Variants in PCDHGA5 observed in about 807,000 individuals in gnomAD.
The protein encoded by PCDHGA5 is protocadherin gamma-A5.
In PCDHGA5, 36 loss-of-function variants were observed where a neutral mutation model predicts 56.7. That is an observed-to-expected ratio of 0.64 (90% CI 0.49 to 0.84). The LOEUF (loss-of-function observed/expected upper bound fraction) is 0.84. Among genes scored for constraint, PCDHGA5 ranks in the 40% least tolerant of loss-of-function variants. The pLI is 0.00. For synonymous variants in PCDHGA5, 563 were observed against 520.2 expected, an observed-to-expected ratio of 1.08 and a Z score of -1.12; for missense variants, 1,305 against 1,201.5, an observed-to-expected ratio of 1.09 and a Z score of -1.27.
intron 1 of PCDHGA5, chr5:141,409,280 T>C (rs1277414418): frequency 6.2e-7 from 1 of 1,613,904 alleles, no homozygotes; most frequent in Non-Finnish European, 8.5e-7. Context: ...TTTGGAGAAT[T>C]CACCTCCAGG....
intron 1 of PCDHGA5, chr5:141,409,242 T>C (rs372196346): frequency 1.4e-5 from 22 of 1,613,864 alleles, no homozygotes; most frequent in Middle Eastern, 1.6e-4. Context: ...AGCCCAGAAA[T>C]AATCATCACT....
Position 141,487,779 on chromosome 5 carries a change from T to C in PCDHGA5, c.2422-7028T>C, listed in dbSNP as rs1269811316. On this transcript the variant is annotated intron_variant, in intron 1 of 3. Coordinates refer to ENST00000518069, the MANE Select transcript of PCDHGA5 (RefSeq NM_018918.3). This position sits in a 1 kb window ranked among gnomAD's most constrained non-coding sequence, Gnocchi z 5.0. ...GTAGACGCTGTGCTTTGTAACTGTT[T>C]CGTGAATTAACCAGAGTTGTCACAG... is the stretch of plus-strand genomic sequence containing the variant. 2.6e-6 allele frequency: 4 copies of C among 1,530,492 alleles called. No individual in the cohort carries two copies. The highest frequency in any genetic ancestry group is 2.6e-6 in the Non-Finnish European group (3 of 1,133,212). The allele number at this position is 1,530,492 out of a possible 1,614,324, so 94.8% of individuals were successfully genotyped here. A position where few individuals can be genotyped will look rare whatever the true frequency, so the allele number is the denominator to read the frequency against.
intron 1 of PCDHGA5, chr5:141,403,391 G>C (rs1182066905): frequency 6.2e-7 from 1 of 1,614,046 alleles, no homozygotes; most frequent in East Asian, 2.2e-5. Flanking sequence ...CGAAATCGCG[G>C]TTCCTGGAGC....
At chr5:141,405,369 T>C in intron 1 of PCDHGA5, 3 of 1,606,526 alleles carry the variant, frequency 1.9e-6, no homozygotes, top group Non-Finnish European at 2.5e-6. Context: ...GACACCCCTT[T>C]GGTTCCGGTG....
Position 141,489,351 on chromosome 5 carries a change from G to A in PCDHGA5, c.2422-5456G>A, listed in dbSNP as rs2099685862. ...GGCAGCTTCGTTACTCAGTGGTGGAGGAGTCTGAGCCGGGGACGCTGGTGG... is the reference window on the plus strand; with the variant it reads ...GGCAGCTTCGTTACTCAGTGGTGGAAGAGTCTGAGCCGGGGACGCTGGTGG... On this transcript the variant is annotated intron_variant, in intron 1 of 3. Transcript: ENST00000518069. This position sits in a 1 kb window ranked among gnomAD's most constrained non-coding sequence, Gnocchi z 4.5. The A allele has an allele frequency of 6.2e-7, 1 of 1,612,202 alleles. No individual in the cohort carries two copies. The highest frequency in any genetic ancestry group is 1.3e-5 in the African/African-American group (1 of 75,006).
In PCDHGA5 at chr5:141,431,675, G is replaced by A. The variant is rs778040824; in HGVS notation, c.2422-63132G>A. Reference sequence around the variant, plus strand: ...TTCAGGGACAATATCAACAATAGGGGAGTTGGACCACGAGGAGTCAGGATT... The same window carrying A: ...TTCAGGGACAATATCAACAATAGGGAAGTTGGACCACGAGGAGTCAGGATT... On this transcript the variant is annotated intron_variant, in intron 1 of 3. Coordinates refer to ENST00000518069, the MANE Select transcript of PCDHGA5 (RefSeq NM_018918.3). The surrounding 1 kb of genome is among the most constrained non-coding windows in gnomAD (Gnocchi z 4.8). 5.6e-6 allele frequency: 9 copies of A among 1,614,230 alleles called. No homozygotes were observed. Among genetic ancestry groups the A allele is most frequent in the Admixed American group, 1.7e-5 (1 of 60,028 alleles).
intron 1 of PCDHGA5, chr5:141,371,718 A>T (rs1191526865): frequency 6.2e-7 from 1 of 1,613,946 alleles, no homozygotes; most frequent in Non-Finnish European, 8.5e-7. Flanking sequence ...CACTCTGCAC[A>T]TCCTTGATGT....
At chr5:141,407,309 A>C (rs1197028846) in intron 1 of PCDHGA5, among the ~76,000 whole-genome samples, 1 of 152,240 alleles carries the variant, frequency 6.6e-6, no homozygotes, top group African/African-American at 2.4e-5. Flanking sequence ...AGTAGCCTTC[A>C]TACTTAGTAT....
chr5:141,381,817 T>TTTC (rs1262770842), intron 1 of PCDHGA5, among the ~76,000 whole-genome samples: 10 of 136,280 alleles, frequency 7.3e-5, no homozygotes, highest in East Asian at 4.1e-4. Context: ...TCTTTCTTTC[T>TTTC]TTCTTCTTCT....
At position 141,397,489 on chromosome 5, in the gene PCDHGA5, A is replaced by G. The variant is rs568778994; in HGVS notation, c.2421+30738A>G. 3.3e-5 allele frequency among the ~76,000 whole-genome samples: 5 copies of G among 152,372 alleles called. No homozygotes were observed. In the East Asian group the frequency reaches 9.6e-4, roughly 29 times the overall value. ...GGAGTTGGAAATCATAGAAATGAAC[A>G]GAAGAATGATAAAATTGTTTCCATA... On this transcript the variant is annotated intron_variant, in intron 1 of 3. Coordinates refer to ENST00000518069, the MANE Select transcript of PCDHGA5 (RefSeq NM_018918.3).
intron 1 of PCDHGA5, chr5:141,410,485 A>C (rs1277289074): frequency 6.2e-7 from 1 of 1,613,898 alleles, no homozygotes; most frequent in Admixed American, 1.7e-5. Context: ...ATACGGGTAC[A>C]AAAGAGTTTA....
At chr5:141,408,990 AAGTGAC>A (rs769374488) in intron 1 of PCDHGA5, 2 of 1,613,984 alleles carry the variant, frequency 1.2e-6, no homozygotes, top group Non-Finnish European at 1.7e-6. Flanking sequence ...CCTGTGTTGC[AAGTGAC>A]AGCCACTGAC....
chr5:141,451,322 T>C (rs1452969719), intron 1 of PCDHGA5, among the ~76,000 whole-genome samples: 1 of 152,236 alleles, frequency 6.6e-6, no homozygotes, highest in African/African-American at 2.4e-5. Flanking sequence ...AAGTGTCACC[T>C]AAGGCTATTG....
At chr5:141,475,715 C>T (rs989484033) in intron 1 of PCDHGA5, among the ~76,000 whole-genome samples, 1 of 152,366 alleles carries the variant, frequency 6.6e-6, no homozygotes, top group African/African-American at 2.4e-5. Context: ...AGCCTCACAG[C>T]CCCAAGGCTG....
At chr5:141,394,692 C>T (rs1356120664) in intron 1 of PCDHGA5, 1 of 1,613,028 alleles carries the variant, frequency 6.2e-7, no homozygotes, top group Non-Finnish European at 8.5e-7. Context: ...GGGCGAGGTG[C>T]GCACGGCGCG....
intron 1 of PCDHGA5, chr5:141,395,285 T>A: frequency 6.5e-7 from 1 of 1,535,168 alleles, no homozygotes; most frequent in Non-Finnish European, 8.8e-7. Context: ...GAATTTTATT[T>A]GGCATAAATT....
At chr5:141,453,185 C>T (rs2098757478) in intron 1 of PCDHGA5, among the ~76,000 whole-genome samples, 1 of 152,146 alleles carries the variant, frequency 6.6e-6, no homozygotes, top group South Asian at 2.1e-4. Flanking sequence ...ACAATCACAG[C>T]TCACTGCAGC....
intron 1 of PCDHGA5, chr5:141,371,927 C>T (rs750914672): frequency 1.9e-6 from 3 of 1,613,208 alleles, no homozygotes. Context: ...GCGCGCGGAG[C>T]GGGGTGGTGT....
intron 1 of PCDHGA5, chr5:141,422,576 CTCCCGTTTT>C: frequency 6.2e-7 from 1 of 1,614,034 alleles, no homozygotes; most frequent in African/African-American, 1.3e-5. Context: ...AACGATAACC[CTCCCGTTTT>C]TCCTCACTCC....
Sources: allele counts gnomAD v4.1 joint callset (sites outside exome capture counted in the v4.1 genomes callset), GRCh38; gene constraint gnomAD v4.1.1; non-coding constraint Gnocchi (gnomAD v3.1); transcripts MANE v1.5; gene names NCBI Gene and HGNC (gene_info 2026-07-23, HGNC 2026-07-21).